The following FBXL17 variants were observed in gnomAD, a reference collection of about 807,000 sequenced individuals.
FBXL17 encodes the protein F-box/LRR-repeat protein 17.
A neutral mutation model predicts 66.2 loss-of-function variants in FBXL17; 22 were observed. The ratio of observed to expected loss-of-function variants is 0.33; its 90% CI spans 0.24 to 0.47. FBXL17 has a LOEUF of 0.47. Among genes scored for constraint, FBXL17 ranks in the 20% least tolerant of loss-of-function variants. The probability of loss-of-function intolerance (pLI) is 1.00; values close to 1 mark genes in which losing one functional copy is unlikely to be tolerated. For missense variants in FBXL17, 878 were observed against 948.2 expected (o/e 0.93, Z 0.97); for synonymous variants, 474 against 400.5 (o/e 1.18, Z -2.19).
At chr5:108,239,691 G>A (rs1755768236) in intron 4 of FBXL17, among the ~76,000 whole-genome samples, 1 of 151,992 alleles carries the variant, frequency 6.6e-6, no homozygotes, top group South Asian at 2.1e-4. Flanking sequence ...GAAACTGAAG[G>A]GCACATGACT....
In FBXL17 at chr5:108,227,919, C is replaced by T. The variant is rs540224694; in HGVS notation, c.1507-3691G>A. The stretch of plus-strand genomic sequence containing the variant: ...AAAAAGGGGTAACAGAGGTTAAGTA[C>T]ATGGTCAGTTGGTTAAACACCCTGC... On this transcript the variant is annotated intron_variant, in intron 4 of 8. Coordinates refer to ENST00000542267, the MANE Select transcript of FBXL17 (RefSeq NM_001163315.3). 2.0e-5 allele frequency among the ~76,000 whole-genome samples: 3 copies of T among 152,254 alleles called. No homozygotes were observed. In the East Asian group the frequency reaches 5.8e-4, roughly 29 times the overall value.
intron 4 of FBXL17, among the ~76,000 whole-genome samples, chr5:108,347,162 T>C (rs1198733004): frequency 6.6e-6 from 1 of 152,152 alleles, no homozygotes; most frequent in Non-Finnish European, 1.5e-5. Flanking sequence ...ACCTAGAGCA[T>C]ACAGAAAGCC....
At chr5:108,328,197 T>C (rs1580824436) in intron 4 of FBXL17, among the ~76,000 whole-genome samples, 1 of 152,262 alleles carries the variant, frequency 6.6e-6, no homozygotes, top group African/African-American at 2.4e-5. Flanking sequence ...TCACTAATGA[T>C]ATGACCAAGT....
chr5:108,098,746 T>TAAAAA lies in FBXL17; in HGVS notation c.1746-77750_1746-77746dup, dbSNP rs10649679. 5.4e-3 allele frequency among the ~76,000 whole-genome samples: 639 copies of TAAAAA among 118,480 alleles called. 6 individuals are homozygous for TAAAAA. The highest frequency in any genetic ancestry group is 0.02 in the African/African-American group (603 of 30,296). 77.7% of individuals were successfully genotyped at this position (118,480 alleles called of 152,430 possible). On this transcript the variant is annotated intron_variant, in intron 6 of 8. Coordinates refer to ENST00000542267, the MANE Select transcript of FBXL17 (RefSeq NM_001163315.3). ...GGCAACAGAGCGACACTCTGTCTCA[T>TAAAAA]AAAAAAAAAAAAAAAAAAAAATTCT... is the stretch of plus-strand genomic sequence containing the variant.
At chr5:108,259,238 T>C (rs1756709774) in intron 4 of FBXL17, among the ~76,000 whole-genome samples, 1 of 152,180 alleles carries the variant, frequency 6.6e-6, no homozygotes, top group Admixed American at 6.5e-5. Flanking sequence ...TAAAAATATA[T>C]ATACCACAAT....
rs1400859399 is a variant in FBXL17 at position 108,269,981 on chromosome 5, T to C, written c.1507-45753A>G. On this transcript the variant is annotated intron_variant, in intron 4 of 8. Transcript: ENST00000542267. ...CTATATCCCCTCAATGGAGATTAGG[T>C]AGGTCCCAGCAGAACCAGAAAACAA... 5.3e-5 allele frequency among the ~76,000 whole-genome samples: 8 copies of C among 151,830 alleles called. No individual in the cohort carries two copies. The East Asian group carries it at 1.5e-3, about 29-fold the overall frequency.
intron 8 of FBXL17, among the ~76,000 whole-genome samples, chr5:107,877,898 ATCT>A (rs1222035544): frequency 1.3e-5 from 2 of 152,058 alleles, no homozygotes; most frequent in Admixed American, 1.3e-4. Flanking sequence ...GAGATGGTGT[ATCT>A]TCTTCTCCGT....
At chr5:108,222,716 C>T (rs1452891210) in intron 5 of FBXL17, among the ~76,000 whole-genome samples, 1 of 148,682 alleles carries the variant, frequency 6.7e-6, no homozygotes, top group East Asian at 2.0e-4. Flanking sequence ...ATCTGTCGCC[C>T]GGGCTGGAGT....
chr5:107,862,109 A>G (rs1257333355), intron 8 of FBXL17, among the ~76,000 whole-genome samples: 1 of 152,192 alleles, frequency 6.6e-6, no homozygotes, highest in Non-Finnish European at 1.5e-5. Context: ...AGTGTTTTCT[A>G]GAAGCATAAA....
chr5:107,944,244 C>T (rs529450338), intron 7 of FBXL17, among the ~76,000 whole-genome samples: 1 of 152,272 alleles, frequency 6.6e-6, no homozygotes, highest in South Asian at 2.1e-4. Flanking sequence ...GGTTGTCTTG[C>T]TAAGTCATGA....
Position 108,286,418 on chromosome 5 carries a change from G to A in FBXL17, c.1506+61981C>T, listed in dbSNP as rs188006947. 1.2e-3 allele frequency among the ~76,000 whole-genome samples: 188 copies of A among 151,960 alleles called. 1 individual carries two copies. Among genetic ancestry groups the A allele is most frequent in the African/African-American group, 3.9e-3 (163 of 41,490 alleles). ...TGTAGCATCTGCCCAAAAGCTCCTT[G>A]AACTGACAAACAACTTGAGCAAAGT... On this transcript the variant is annotated intron_variant, in intron 4 of 8. Coordinates refer to ENST00000542267, the MANE Select transcript of FBXL17 (RefSeq NM_001163315.3).
intron 7 of FBXL17, among the ~76,000 whole-genome samples, chr5:107,977,431 A>G (rs1346300755): frequency 1.3e-5 from 2 of 152,194 alleles, no homozygotes; most frequent in African/African-American, 4.8e-5. Context: ...TATTACTCCT[A>G]CTTTACAGAG....
At chr5:107,982,215 T>A (rs1752856690) in intron 7 of FBXL17, among the ~76,000 whole-genome samples, 1 of 152,150 alleles carries the variant, frequency 6.6e-6, no homozygotes, top group Non-Finnish European at 1.5e-5. Context: ...ATAAATAAAT[T>A]TTCTTTCACT....
intron 6 of FBXL17, among the ~76,000 whole-genome samples, chr5:108,052,770 G>GGC (rs1747533976): frequency 6.6e-6 from 1 of 152,148 alleles, no homozygotes; most frequent in South Asian, 2.1e-4. Context: ...CAAAACTAGA[G>GGC]GCATCATGCT....
intron 1 of FBXL17, among the ~76,000 whole-genome samples, chr5:108,375,184 T>C (rs949149358): frequency 2.6e-5 from 4 of 152,062 alleles, no homozygotes; most frequent in African/African-American, 9.7e-5. Context: ...CAAGACCCTG[T>C]CTCTACAAAA....
At chr5:108,296,800 T>C (rs1053609276) in intron 4 of FBXL17, among the ~76,000 whole-genome samples, 1 of 151,738 alleles carries the variant, frequency 6.6e-6, no homozygotes, top group Non-Finnish European at 1.5e-5. Flanking sequence ...CATTTACTAA[T>C]ACATACTTCG....
chr5:108,347,544 G>A (rs1480666158), intron 4 of FBXL17, among the ~76,000 whole-genome samples: 1 of 152,150 alleles, frequency 6.6e-6, no homozygotes, highest in East Asian at 1.9e-4. Context: ...AAACACGAAT[G>A]AGCCTTGAAA....
At chr5:108,283,142 C>CA (rs201580377) in intron 4 of FBXL17, among the ~76,000 whole-genome samples, 8 of 150,904 alleles carry the variant, frequency 5.3e-5, no homozygotes, top group Admixed American at 3.3e-4. Context: ...TACACAAGTA[C>CA]AAAAAAAATC....
chr5:108,367,654 T>A (rs779940653), intron 2 of FBXL17, among the ~76,000 whole-genome samples, 177 bp downstream of exon 2: 1 of 152,134 alleles, frequency 6.6e-6, no homozygotes, highest in Admixed American at 6.6e-5. Context: ...TTGTTTACTA[T>A]GAGAATCTAG....
Sources: gnomAD v4.1 joint callset for allele counts (sites outside exome capture counted in the v4.1 genomes callset) on GRCh38, gnomAD v4.1.1 for gene constraint, MANE v1.5 for transcripts, NCBI Gene and HGNC (gene_info 2026-07-23, HGNC 2026-07-21) for gene names.